Variants in PARD6G observed in about 807,000 individuals in gnomAD.
PARD6G encodes par-6 family cell polarity regulator gamma, also known as partitioning defective 6 homolog gamma.
In PARD6G, 7 loss-of-function variants were observed where a neutral mutation model predicts 10.7. The observed-to-expected ratio is 0.66, with a 90% confidence interval of 0.37 to 1.23. PARD6G has a LOEUF of 1.23. PARD6G is among the 50% of genes most tolerant of loss of function. The pLI, the probability that PARD6G is intolerant of heterozygous loss-of-function variation, is 0.02. For synonymous variants in PARD6G, 287 were observed against 269.4 expected (o/e 1.07, Z -0.64); for missense variants, 548 against 571.8 (o/e 0.96, Z 0.42).
chr18:80,220,224 G>T lies in PARD6G; in HGVS notation c.73-17292C>A, dbSNP rs370277122. Among the ~76,000 whole-genome samples, 4 of 152,232 alleles carry T rather than the reference G, an allele frequency of 2.6e-5. No individual in the cohort carries two copies. In the East Asian group the frequency reaches 7.7e-4, roughly 29 times the overall value. Reference sequence around the variant, plus strand: ...GGAAAGCCCCCTTATAAAACCATCAGCTCGTGTGAGAACTCACTATCACAA... The same window carrying T: ...GGAAAGCCCCCTTATAAAACCATCATCTCGTGTGAGAACTCACTATCACAA... On this transcript the variant is annotated intron_variant, in intron 1 of 2. Coordinates refer to ENST00000353265, the MANE Select transcript of PARD6G (RefSeq NM_032510.4).
At chr18:80,194,562 G>A (rs1020729051) in intron 2 of PARD6G, among the ~76,000 whole-genome samples, 2 of 152,054 alleles carry the variant, frequency 1.3e-5, no homozygotes, top group Non-Finnish European at 2.9e-5. Flanking sequence ...GTTCATAAAC[G>A]TCAACGTGCA....
intron 1 of PARD6G, among the ~76,000 whole-genome samples, chr18:80,223,744 G>A (rs1317380990): frequency 1.3e-5 from 2 of 152,198 alleles, no homozygotes; most frequent in Non-Finnish European, 2.9e-5. Flanking sequence ...CCCGAGGACG[G>A]CACCAGCAGG....
rs993759480 is a variant in PARD6G, at chr18:80,181,356, C to T, written c.296-20750G>A. 1.9e-4 allele frequency among the ~76,000 whole-genome samples: 29 copies of T among 152,160 alleles called. No homozygotes were observed. The highest frequency in any genetic ancestry group is 7.0e-4 in the African/African-American group (29 of 41,428). ...GAAGCTGTGGTCCCGATGCCACACA[C>T]GCCAAGGCAGGCATCACGCTCTGGG... On this transcript the variant is annotated intron_variant, in intron 2 of 2. Coordinates refer to ENST00000353265, the MANE Select transcript of PARD6G (RefSeq NM_032510.4). This position sits in a 1 kb window ranked among gnomAD's most constrained non-coding sequence, Gnocchi z 7.9.
intron 1 of PARD6G, among the ~76,000 whole-genome samples, chr18:80,245,455 C>T (rs1281630381): frequency 6.6e-6 from 1 of 152,102 alleles, no homozygotes; most frequent in Non-Finnish European, 1.5e-5. Context: ...GGTGGTCACA[C>T]CACCGCACAG....
At chr18:80,168,022 G>C (rs564997019) in intron 2 of PARD6G, among the ~76,000 whole-genome samples, 35 of 152,286 alleles carry the variant, frequency 2.3e-4, no homozygotes, top group African/African-American at 8.4e-4. Context: ...ACTTGGAGGA[G>C]GGCCAGCAAG....
At chr18:80,164,089 A>T (rs1224576486) in intron 2 of PARD6G, among the ~76,000 whole-genome samples, 1 of 152,210 alleles carries the variant, frequency 6.6e-6, no homozygotes, top group Non-Finnish European at 1.5e-5. Context: ...GCAGCCTAAA[A>T]GGACGGAACA....
At chr18:80,166,552 C>T (rs1371508281) in intron 2 of PARD6G, among the ~76,000 whole-genome samples, 2 of 148,854 alleles carry the variant, frequency 1.3e-5, no homozygotes, top group Non-Finnish European at 3.0e-5. Flanking sequence ...ATCTAGTTGC[C>T]CCAAACACAA....
chr18:80,217,284 TAG>T (rs1967178936), intron 1 of PARD6G, among the ~76,000 whole-genome samples: 1 of 151,620 alleles, frequency 6.6e-6, no homozygotes, highest in African/African-American at 2.4e-5. Flanking sequence ...TGAGGGAGAG[TAG>T]ACAGGTCTAC....
At chr18:80,233,244 C>T (rs1967379836) in intron 1 of PARD6G, among the ~76,000 whole-genome samples, 1 of 152,210 alleles carries the variant, frequency 6.6e-6, no homozygotes, top group Non-Finnish European at 1.5e-5. Context: ...TTAAACAAAA[C>T]AAAGCCACCT....
chr18:80,158,584 G>A lies in PARD6G; in HGVS notation c.*1187C>T, dbSNP rs1433700448. The A allele has an allele frequency of 6.6e-6, 1 of 152,376 alleles. No individual in the cohort carries two copies. The highest frequency in any genetic ancestry group is 1.5e-5 in the Non-Finnish European group (1 of 68,068). 9.4% of individuals were successfully genotyped at this position (152,376 alleles called of 1,614,324 possible). A position where few individuals can be genotyped will look rare whatever the true frequency, so the allele number is the denominator to read the frequency against. On this transcript the variant is annotated 3_prime_UTR_variant, in exon 3 of 3. Coordinates refer to ENST00000353265, the MANE Select transcript of PARD6G (RefSeq NM_032510.4). The stretch of plus-strand genomic sequence containing the variant: ...CCCCTGGTCTGGTGCTGTGGCTCAC[G>A]TCTATAATCCTAGCATTTTTGGAGG...
intron 1 of PARD6G, among the ~76,000 whole-genome samples, chr18:80,219,585 C>T (rs1355032698): frequency 6.6e-6 from 1 of 152,132 alleles, no homozygotes; most frequent in Non-Finnish European, 1.5e-5. Context: ...GAATGCTTTG[C>T]TAGTTAGGAA....
chr18:80,199,284 G>A (rs1451390157), intron 2 of PARD6G, among the ~76,000 whole-genome samples: 1 of 152,176 alleles, frequency 6.6e-6, no homozygotes, highest in African/African-American at 2.4e-5. Context: ...GAACTTTTAT[G>A]TCCGGCTTCT....
intron 1 of PARD6G, among the ~76,000 whole-genome samples, chr18:80,243,161 TAA>T (rs1312625874): frequency 6.6e-6 from 1 of 152,148 alleles, no homozygotes; most frequent in Non-Finnish European, 1.5e-5. Context: ...TATAAAGACT[TAA>T]AGATATTATT....
rs993511986 is a variant in PARD6G, at chr18:80,192,757, C to G, written c.295+9953G>C. ...AGATGAGGGTCAACCAGTCCCAAATCTCCACTGTTCATTATCTCCTCCTCA... is the reference window on the plus strand; with the variant it reads ...AGATGAGGGTCAACCAGTCCCAAATGTCCACTGTTCATTATCTCCTCCTCA... On this transcript the variant is annotated intron_variant, in intron 2 of 2. Coordinates refer to ENST00000353265, the MANE Select transcript of PARD6G (RefSeq NM_032510.4). The surrounding 1 kb of genome is among the most constrained non-coding windows in gnomAD (Gnocchi z 4.9). 6.6e-6 allele frequency among the ~76,000 whole-genome samples: 1 copy of G among 152,132 alleles called. No individual in the cohort carries two copies. Among genetic ancestry groups the G allele is most frequent in the African/African-American group, 2.4e-5 (1 of 41,428 alleles).
chr18:80,187,506 C>T (rs1009278780), intron 2 of PARD6G, among the ~76,000 whole-genome samples: 20 of 152,180 alleles, frequency 1.3e-4, no homozygotes, highest in South Asian at 1.2e-3. Flanking sequence ...TGGGCTGTTC[C>T]GGTTAGATTT....
At chr18:80,176,841 C>G (rs1396993117) in intron 2 of PARD6G, among the ~76,000 whole-genome samples, 2 of 152,082 alleles carry the variant, frequency 1.3e-5, no homozygotes, top group African/African-American at 2.4e-5. Flanking sequence ...CCTTAGAAAA[C>G]AAACAGGATA....
chr18:80,199,086 C>T (rs535027963), intron 2 of PARD6G, among the ~76,000 whole-genome samples: 1 of 152,214 alleles, frequency 6.6e-6, no homozygotes, highest in Non-Finnish European at 1.5e-5. Flanking sequence ...TTTCACATTA[C>T]AGAGGATTCT....
chr18:80,224,819 C>G (rs1265169990), intron 1 of PARD6G, among the ~76,000 whole-genome samples: 2 of 151,794 alleles, frequency 1.3e-5, no homozygotes, highest in Non-Finnish European at 2.9e-5. Flanking sequence ...TGCTCTCCAG[C>G]CTGGTCGACA....
At chr18:80,178,250 AGAG>A (rs1314228569) in intron 2 of PARD6G, 3 of 157,104 alleles carry the variant, frequency 1.9e-5, no homozygotes, top group East Asian at 1.9e-4. Context: ...CTGCACTCTA[AGAG>A]GAGAACAGGT....
Sources: gnomAD v4.1 joint callset for allele counts (sites outside exome capture counted in the v4.1 genomes callset) on GRCh38, gnomAD v4.1.1 for gene constraint, Gnocchi (gnomAD v3.1) non-coding constraint, MANE v1.5 for transcripts, NCBI Gene and HGNC (gene_info 2026-07-23, HGNC 2026-07-21) for gene names.